The following CBL variants were observed in gnomAD, a reference collection of about 807,000 sequenced individuals.
CBL encodes the protein Cbl proto-oncogene.
CBL carries 45 observed loss-of-function variants against 96.9 expected under a neutral mutation model. The observed-to-expected ratio is 0.46, with a 90% confidence interval of 0.37 to 0.60. The LOEUF (loss-of-function observed/expected upper bound fraction) is 0.60. CBL is among the 20% of genes least tolerant of loss of function. CBL has a pLI of 0.00. For missense variants in CBL, 1,024 were observed against 1,143.5 expected, an observed-to-expected ratio of 0.90 and a Z score of 1.51; for synonymous variants, 420 against 426.8, an observed-to-expected ratio of 0.98 and a Z score of 0.20.
intron 2 of CBL, among the ~76,000 whole-genome samples, chr11:119,241,553 C>T (rs1306388580): frequency 6.6e-6 from 1 of 152,158 alleles, no homozygotes; most frequent in Non-Finnish European, 1.5e-5. Context: ...AAAGCATAAC[C>T]TCCATATTAT....
chr11:119,299,408 A>G, intron 15 of CBL, 87 bp from the exon 16 acceptor site: 1 of 1,247,402 alleles, frequency 8.0e-7, no homozygotes, highest in South Asian at 1.2e-5. Flanking sequence ...GAAGTCAGTA[A>G]TATCTTGATA....
intron 2 of CBL, 21 bp from the exon 3 acceptor site, chr11:119,271,714 T>C (rs1333779731): frequency 1.2e-6 from 2 of 1,608,280 alleles, no homozygotes; most frequent in East Asian, 2.2e-5. Flanking sequence ...TGTTTAATTA[T>C]TGCATTCTGA....
intron 12 of CBL, 29 bp downstream of exon 12, chr11:119,287,975 A>G (rs745972889): frequency 5.5e-6 from 8 of 1,459,276 alleles, no homozygotes; most frequent in Admixed American, 1.7e-5. Context: ...TATTTTGTAC[A>G]GTGGAGTTGT....
At chr11:119,283,928 C>T (rs990452544) in intron 9 of CBL, among the ~76,000 whole-genome samples, 1 of 152,106 alleles carries the variant, frequency 6.6e-6, no homozygotes, top group Non-Finnish European at 1.5e-5. Flanking sequence ...TGAGCCACCA[C>T]GCCTGGCCTT....
At chr11:119,265,881 G>A (rs998647426) in intron 2 of CBL, among the ~76,000 whole-genome samples, 21 of 151,988 alleles carry the variant, frequency 1.4e-4, no homozygotes, top group African/African-American at 4.6e-4. Flanking sequence ...AATTAACCGG[G>A]CGTGGTGGTG....
At position 119,304,773 on chromosome 11, in the gene CBL, C is replaced by G. The variant is rs1205594319; in HGVS notation, c.*4992C>G. 1 of 193,568 alleles carries G rather than the reference C, an allele frequency of 5.2e-6. No individual in the cohort carries two copies. Among genetic ancestry groups the G allele is most frequent in the Non-Finnish European group, 1.1e-5 (1 of 92,768 alleles). The allele number at this position is 193,568 out of a possible 1,614,324, so 12.0% of individuals were successfully genotyped here. A position where few individuals can be genotyped will look rare whatever the true frequency, so the allele number is the denominator to read the frequency against. ...CCCGAGTAGCTGGGATTACAGGCGCCTGCCACCATGCCCAGCTAATGTTCA... is the reference window on the plus strand; with the variant it reads ...CCCGAGTAGCTGGGATTACAGGCGCGTGCCACCATGCCCAGCTAATGTTCA... On this transcript the variant is annotated 3_prime_UTR_variant, in exon 16 of 16. Coordinates refer to ENST00000264033, the MANE Select transcript of CBL (RefSeq NM_005188.4).
intron 1 of CBL, among the ~76,000 whole-genome samples, chr11:119,207,098 GTCAGGACAGCTC>G (rs1445528682): frequency 1.3e-5 from 2 of 152,108 alleles, no homozygotes; most frequent in Non-Finnish European, 1.5e-5. Context: ...CCTGGCTGGG[GTCAGGACAGCTC>G]TCAGGGAAGC....
intron 2 of CBL, among the ~76,000 whole-genome samples, chr11:119,241,189 A>C (rs888399420): frequency 1.3e-5 from 2 of 152,190 alleles, no homozygotes; most frequent in African/African-American, 4.8e-5. Flanking sequence ...TCCAAAGATA[A>C]ATTTGCCCTC....
intron 2 of CBL, among the ~76,000 whole-genome samples, chr11:119,266,700 A>T (rs1949805482): frequency 6.6e-6 from 1 of 152,150 alleles, no homozygotes; most frequent in African/African-American, 2.4e-5. Context: ...AGAGAAGAGG[A>T]AGACGGAAGC....
In CBL at chr11:119,248,189, A is replaced by T. The variant is rs1201960406; in HGVS notation, c.443+15494A>T. ...CCAAAACAATCTTGAACAAGAATAA[A>T]GTTGGAAGACTTGTATTTCTGATTT... On this transcript the variant is annotated intron_variant, in intron 2 of 15. Transcript: ENST00000264033. 2.6e-5 allele frequency among the ~76,000 whole-genome samples: 4 copies of T among 152,362 alleles called. No individual in the cohort carries two copies. The East Asian group carries it at 7.7e-4, about 29-fold the overall frequency.
intron 2 of CBL, among the ~76,000 whole-genome samples, chr11:119,263,751 C>A (rs1230600357): frequency 6.6e-6 from 1 of 152,062 alleles, no homozygotes; most frequent in African/African-American, 2.4e-5. Flanking sequence ...GAAAACAGTT[C>A]CGTTGTATCT....
chr11:119,293,997 A>G (rs1454404886), intron 12 of CBL, among the ~76,000 whole-genome samples: 1 of 152,232 alleles, frequency 6.6e-6, no homozygotes, highest in Non-Finnish European at 1.5e-5. Context: ...TCTTTCTTGA[A>G]TCTTAGCCTG....
At chr11:119,267,344 T>C (rs1272020498) in intron 2 of CBL, among the ~76,000 whole-genome samples, 5 of 152,244 alleles carry the variant, frequency 3.3e-5, no homozygotes, top group Non-Finnish European at 5.9e-5. Flanking sequence ...ACTTTTTGTT[T>C]GTGTGGCTTA....
rs535573641 is a variant in CBL at position 119,206,740 on chromosome 11, G to C, written c.195+128G>C. 4.3e-3 allele frequency: 4,461 copies of C among 1,038,600 alleles called. 22 individuals are homozygous for C. Among genetic ancestry groups the C allele is most frequent in the Middle Eastern group, 9.0e-3 (29 of 3,218 alleles). 64.3% of individuals were successfully genotyped at this position (1,038,600 alleles called of 1,614,324 possible). On this transcript the variant is annotated intron_variant, in intron 1 of 15. Coordinates refer to ENST00000264033, the MANE Select transcript of CBL (RefSeq NM_005188.4). ...GGTGAAGCCGGGGAGGCGCGGAGCC[G>C]GGGTGACCGGCCGGGGGCGTGGGGG...
intron 2 of CBL, among the ~76,000 whole-genome samples, chr11:119,264,540 C>T (rs930536997): frequency 5.3e-5 from 8 of 151,458 alleles, no homozygotes; most frequent in African/African-American, 1.5e-4. Flanking sequence ...TGGAATGCAG[C>T]GGCATGATCT....
chr11:119,258,532 A>G (rs564175674), intron 2 of CBL, among the ~76,000 whole-genome samples: 84 of 152,308 alleles, frequency 5.5e-4, no homozygotes, highest in African/African-American at 1.9e-3. Flanking sequence ...CTCTGCCCTC[A>G]TGATCCAGTC....
chr11:119,208,171 T>TA (rs1949289038), intron 1 of CBL, among the ~76,000 whole-genome samples: 4 of 152,188 alleles, frequency 2.6e-5, no homozygotes, highest in South Asian at 2.1e-4. Context: ...TCGACTCCTT[T>TA]AAAAAAAACA....
At chr11:119,283,144 A>G (rs1949951364) in intron 9 of CBL, among the ~76,000 whole-genome samples, 2 of 152,184 alleles carry the variant, frequency 1.3e-5, no homozygotes, top group South Asian at 4.1e-4. Flanking sequence ...AATGAAATAT[A>G]CAGGTATGAG....
At chr11:119,266,126 G>A (rs1444440681) in intron 2 of CBL, among the ~76,000 whole-genome samples, 1 of 152,034 alleles carries the variant, frequency 6.6e-6, no homozygotes, top group African/African-American at 2.4e-5. Context: ...AGTCTGGGAG[G>A]TCGAGGCTGC....
Sources: allele counts gnomAD v4.1 joint callset (sites outside exome capture counted in the v4.1 genomes callset), GRCh38; gene constraint gnomAD v4.1.1; transcripts MANE v1.5; gene names NCBI Gene and HGNC (gene_info 2026-07-23, HGNC 2026-07-21).